FGF12: variants seen among roughly 807,000 people sequenced by gnomAD.
FGF12 encodes the protein fibroblast growth factor 12.
In FGF12, 14 loss-of-function variants were observed where a neutral mutation model predicts 23.6. The ratio of observed to expected loss-of-function variants is 0.59; its 90% CI spans 0.39 to 0.93. FGF12 has a LOEUF of 0.93. Ranked by LOEUF, FGF12 falls within the 40% of genes least tolerant of loss-of-function variation. The pLI, the probability that FGF12 is intolerant of heterozygous loss-of-function variation, is 0.00. For missense variants in FGF12, 175 were observed against 217.8 expected, an observed-to-expected ratio of 0.80 and a Z score of 1.24; for synonymous variants, 62 against 77.3, an observed-to-expected ratio of 0.80 and a Z score of 1.04.
At chr3:192,213,138 G>A (rs886296951) in intron 4 of FGF12, among the ~76,000 whole-genome samples, 3 of 152,242 alleles carry the variant, frequency 2.0e-5, no homozygotes, top group Non-Finnish European at 2.9e-5. Context: ...GCAAGAAAAC[G>A]CTGTGTGCTG....
At chr3:192,468,203 A>C (rs1358412483) in intron 2 of FGF12, among the ~76,000 whole-genome samples, 1 of 152,214 alleles carries the variant, frequency 6.6e-6, no homozygotes, top group African/African-American at 2.4e-5. Context: ...ATTCCTGTAT[A>C]TCCTTAATCT....
intron 4 of FGF12, among the ~76,000 whole-genome samples, chr3:192,285,662 T>C (rs1714407343): frequency 6.6e-6 from 1 of 152,094 alleles, no homozygotes; most frequent in Non-Finnish European, 1.5e-5. Flanking sequence ...TCCAAAAAAC[T>C]AATTATACTT....
chr3:192,420,672 C>T (rs1327930840), intron 2 of FGF12, among the ~76,000 whole-genome samples: 1 of 152,172 alleles, frequency 6.6e-6, no homozygotes, highest in African/African-American at 2.4e-5. Flanking sequence ...GTGAAAGCTT[C>T]TTGAAGCTCT....
At chr3:192,669,602 T>TAAAAAAAAAAAAAAAAAAAAAC (rs1717031927) in intron 2 of FGF12, among the ~76,000 whole-genome samples, 1 of 59,526 alleles carries the variant, frequency 1.7e-5, no homozygotes, top group Non-Finnish European at 3.1e-5. Flanking sequence ...GACTCTGTCT[T>TAAAAAAAAAAAAAAAAAAAAAC]AAAAAAAAAA....
intron 2 of FGF12, among the ~76,000 whole-genome samples, chr3:192,548,865 A>G (rs903188222): frequency 1.3e-5 from 2 of 152,198 alleles, no homozygotes; most frequent in African/African-American, 4.8e-5. Flanking sequence ...AGCTGATTCC[A>G]TAACTAATCT....
intron 4 of FGF12, among the ~76,000 whole-genome samples, chr3:192,253,384 T>C (rs993549971): frequency 6.6e-6 from 1 of 151,928 alleles, no homozygotes; most frequent in Non-Finnish European, 1.5e-5. Flanking sequence ...TAACGCATAT[T>C]ACATAAGTAC....
intron 2 of FGF12, among the ~76,000 whole-genome samples, chr3:192,576,539 A>G (rs757869622): frequency 2.0e-4 from 31 of 152,356 alleles, no homozygotes; most frequent in Non-Finnish European, 1.5e-4. Context: ...CTGAGGGGAA[A>G]TCAGGTCAAT....
At chr3:192,557,652 C>T (rs76342199) in intron 2 of FGF12, among the ~76,000 whole-genome samples, 4,534 of 151,786 alleles carry the variant, frequency 0.03, 237 homozygotes, top group African/African-American at 0.1. Flanking sequence ...TGAATACATA[C>T]GTAAAAATTC....
At chr3:192,377,209 T>C (rs369393528) in intron 2 of FGF12, among the ~76,000 whole-genome samples, 11 of 152,322 alleles carry the variant, frequency 7.2e-5, no homozygotes, top group African/African-American at 2.6e-4. Flanking sequence ...GAAGGAGCAC[T>C]GTCTCTGTAC....
chr3:192,264,936 A>G (rs555620546), intron 4 of FGF12, among the ~76,000 whole-genome samples: 1 of 152,304 alleles, frequency 6.6e-6, no homozygotes, highest in Admixed American at 6.5e-5. Flanking sequence ...GGTGTGTTAG[A>G]ATTCACTAGG....
intron 2 of FGF12, among the ~76,000 whole-genome samples, chr3:192,592,792 G>C (rs897088154): frequency 6.6e-6 from 1 of 151,892 alleles, no homozygotes; most frequent in African/African-American, 2.4e-5. Context: ...AGCATTTCAT[G>C]GAGACTCAGT....
intron 2 of FGF12, among the ~76,000 whole-genome samples, chr3:192,449,030 T>C (rs921874993): frequency 6.6e-6 from 1 of 152,232 alleles, no homozygotes; most frequent in Non-Finnish European, 1.5e-5. Flanking sequence ...TATTCTGTTT[T>C]AGTGTACACA....
At chr3:192,489,490 T>G (rs76637207) in intron 2 of FGF12, among the ~76,000 whole-genome samples, 9,441 of 152,102 alleles carry the variant, frequency 0.062, 1,016 homozygotes, top group African/African-American at 0.22. Flanking sequence ...ATGTGCTTAG[T>G]CCCAGGTAAC....
At chr3:192,706,522 A>G (rs957680588) in intron 2 of FGF12, among the ~76,000 whole-genome samples, 1 of 151,988 alleles carries the variant, frequency 6.6e-6, no homozygotes, top group Admixed American at 6.6e-5. Context: ...CAATTTACTC[A>G]TCTAGAACTA....
At chr3:192,417,237 C>A (rs568233936) in intron 2 of FGF12, among the ~76,000 whole-genome samples, 27 of 151,684 alleles carry the variant, frequency 1.8e-4, no homozygotes, top group African/African-American at 6.5e-4. Context: ...AAGGCCATGA[C>A]CAGGAAATAG....
At chr3:192,334,528 A>C (rs954651110) in intron 4 of FGF12, among the ~76,000 whole-genome samples, 1 of 152,118 alleles carries the variant, frequency 6.6e-6, no homozygotes, top group Non-Finnish European at 1.5e-5. Context: ...AAATACACAC[A>C]TATACACACA....
chr3:192,665,398 C>T lies in FGF12; in HGVS notation c.13+61783G>A, dbSNP rs1381244990. Among the ~76,000 whole-genome samples the T allele has an allele frequency of 2.6e-5, 4 of 152,062 alleles. No individual in the cohort carries two copies. The East Asian group carries it at 7.7e-4, about 29-fold the overall frequency. ...AAACCTGAAATCAATAAAGGATGTG[C>T]CTTCATATACCCCATGGAATACTAT... On this transcript the variant is annotated intron_variant, in intron 2 of 5. Transcript: ENST00000445105.
At chr3:192,584,432 C>T (rs764951780) in intron 2 of FGF12, among the ~76,000 whole-genome samples, 1 of 151,890 alleles carries the variant, frequency 6.6e-6, no homozygotes, top group South Asian at 2.1e-4. Flanking sequence ...CAGAGAGGTC[C>T]AGAGATACAC....
At chr3:192,660,086 A>G (rs1716595416) in intron 2 of FGF12, among the ~76,000 whole-genome samples, 2 of 151,902 alleles carry the variant, frequency 1.3e-5, no homozygotes, top group South Asian at 4.2e-4. Context: ...CACTATTCAC[A>G]ATAGCAAAGA....
Sources: gnomAD v4.1 joint callset for allele counts (sites outside exome capture counted in the v4.1 genomes callset) on GRCh38, gnomAD v4.1.1 for gene constraint, MANE v1.5 for transcripts, NCBI Gene and HGNC (gene_info 2026-07-23, HGNC 2026-07-21) for gene names.